DYTN: variants seen among roughly 807,000 people sequenced by gnomAD.
DYTN encodes the protein dystrotelin.
Under a neutral mutation model 69.6 loss-of-function variants are expected in DYTN, and 75 were observed. That is an observed-to-expected ratio of 1.08 (90% CI 0.89 to 1.31). The LOEUF (loss-of-function observed/expected upper bound fraction) is 1.31. Among genes scored for constraint, DYTN ranks in the 50% most tolerant of loss-of-function variants. The pLI, the probability that DYTN is intolerant of heterozygous loss-of-function variation, is 0.00. For missense variants in DYTN, 726 were observed against 688.4 expected (o/e 1.05, Z -0.61); for synonymous variants, 252 against 249.1 (o/e 1.01, Z -0.11).
intron 4 of DYTN, among the ~76,000 whole-genome samples, chr2:206,705,484 A>G (rs72960713): frequency 6.6e-5 from 10 of 152,074 alleles, no homozygotes; most frequent in African/African-American, 2.4e-4. Context: ...ACATCTAGGA[A>G]GAAGATCATG....
At chr2:206,716,892 A>G (rs540184205) in intron 1 of DYTN, among the ~76,000 whole-genome samples, 8 of 152,226 alleles carry the variant, frequency 5.3e-5, no homozygotes, top group Admixed American at 4.6e-4. Flanking sequence ...CTGTCAAGTT[A>G]TGCTTTACAG....
chr2:206,700,671 T>C (rs753868918), intron 5 of DYTN, among the ~76,000 whole-genome samples: 4 of 152,086 alleles, frequency 2.6e-5, no homozygotes, highest in African/African-American at 4.8e-5. Context: ...GATATACATG[T>C]GCCATGGTGG....
At chr2:206,652,123 T>C (rs2105884580) in intron 11 of DYTN, among the ~76,000 whole-genome samples, 1 of 152,324 alleles carries the variant, frequency 6.6e-6, no homozygotes, top group Middle Eastern at 3.4e-3. Context: ...CATAGGTTCT[T>C]AAGAAGCACT....
intron 1 of DYTN, among the ~76,000 whole-genome samples, chr2:206,711,673 G>A (rs1483014548): frequency 1.3e-5 from 2 of 151,802 alleles, no homozygotes; most frequent in Non-Finnish European, 2.9e-5. Flanking sequence ...CCATGTGGGT[G>A]TGCTGCACCC....
At chr2:206,694,922 G>GA (rs71410896) in intron 7 of DYTN, 45 bp from the exon 8 acceptor site, 134,433 of 704,314 alleles carry the variant, frequency 0.19, 2,444 homozygotes, top group African/African-American at 0.29. Context: ...TAGTAGATGA[G>GA]AAAAAAAAAA....
chr2:206,716,264 C>G (rs558581685), intron 1 of DYTN, among the ~76,000 whole-genome samples: 1 of 152,272 alleles, frequency 6.6e-6, no homozygotes, highest in African/African-American at 2.4e-5. Context: ...GTGCCAGGCA[C>G]TGTGTGGAGC....
At chr2:206,685,047 A>G (rs999669413) in intron 9 of DYTN, among the ~76,000 whole-genome samples, 3 of 152,238 alleles carry the variant, frequency 2.0e-5, no homozygotes, top group African/African-American at 4.8e-5. Flanking sequence ...CAATGGAAGT[A>G]CAGCCTGGGA....
intron 5 of DYTN, 143 bp from the exon 6 acceptor site, chr2:206,700,359 G>C (rs1018460449): frequency 8.1e-6 from 7 of 859,360 alleles, no homozygotes; most frequent in Admixed American, 2.2e-5. Flanking sequence ...CTCAATCCAA[G>C]AGAACAAAGA....
chr2:206,651,929 C>A lies in DYTN; in HGVS notation c.1634-8G>T. ...TTACTGAAGACTCCGGGCCTGAAATCAACAAACAAGAGAGTCATTTAGAGA... is the reference window on the plus strand; with the variant it reads ...TTACTGAAGACTCCGGGCCTGAAATAAACAAACAAGAGAGTCATTTAGAGA... On this transcript the variant is annotated splice_region_variant and splice_polypyrimidine_tract_variant and intron_variant, in intron 11 of 11. Coordinates refer to ENST00000452335, the MANE Select transcript of DYTN (RefSeq NM_001093730.1). 1 of 1,608,970 alleles carries A rather than the reference C, an allele frequency of 6.2e-7. No homozygotes were observed. Among genetic ancestry groups the A allele is most frequent in the Non-Finnish European group, 8.5e-7 (1 of 1,177,076 alleles).
chr2:206,663,652 G>A (rs1004631268), intron 10 of DYTN, among the ~76,000 whole-genome samples: 11 of 152,288 alleles, frequency 7.2e-5, no homozygotes, highest in Admixed American at 2.0e-4. Flanking sequence ...AAAATTCTGG[G>A]TTCTAAAAAG....
At chr2:206,717,360 C>T (rs1700139633) in intron 1 of DYTN, among the ~76,000 whole-genome samples, 1 of 152,188 alleles carries the variant, frequency 6.6e-6, no homozygotes, top group Non-Finnish European at 1.5e-5. Context: ...CAGTGGTCCT[C>T]ACAGTGTGGT....
At position 206,707,317 on chromosome 2, in the gene DYTN, G is replaced by C. The variant is rs1012924844; in HGVS notation, c.281C>G (p.Thr94Arg). The C allele has an allele frequency of 1.2e-6, 2 of 1,611,800 alleles. No individual in the cohort carries two copies. The highest frequency in any genetic ancestry group is 2.7e-5 in the African/African-American group (2 of 74,872). Residue 94 changes from threonine (T) to arginine (R), a missense_variant, in exon 3 of 12, where the codon ACG (threonine) becomes AGG (arginine). By Grantham distance (71) the Thr-to-Arg change is moderately conservative. Coordinates refer to ENST00000452335, the MANE Select transcript of DYTN (RefSeq NM_001093730.1). ...RAPELTLSLL[T>R]TMYNSKGTGF... ...ACACCCTCACCTGTTGTACATTGTC[G>C]TGAGAAGGCTCAGAGTGAGTTCCGG...
chr2:206,681,566 G>A (rs998533716), intron 9 of DYTN, among the ~76,000 whole-genome samples: 1 of 152,078 alleles, frequency 6.6e-6, no homozygotes, highest in African/African-American at 2.4e-5. Flanking sequence ...CTAGTTTATC[G>A]AGAGTTTTTT....
intron 1 of DYTN, among the ~76,000 whole-genome samples, chr2:206,711,590 T>C (rs1345623812): frequency 6.6e-6 from 1 of 151,986 alleles, no homozygotes; most frequent in Non-Finnish European, 1.5e-5. Flanking sequence ...TTTACTTTTC[T>C]TTTTTTTATT....
intron 11 of DYTN, among the ~76,000 whole-genome samples, chr2:206,655,436 G>A (rs1321537659): frequency 6.6e-6 from 1 of 151,922 alleles, no homozygotes; most frequent in South Asian, 2.1e-4. Context: ...TTGAGATAGG[G>A]TCTTGCTCTG....
At chr2:206,674,114 T>C (rs1699657105) in intron 9 of DYTN, among the ~76,000 whole-genome samples, 1 of 152,186 alleles carries the variant, frequency 6.6e-6, no homozygotes, top group Non-Finnish European at 1.5e-5. Flanking sequence ...ATTATGCAAT[T>C]GGGCATATTA....
At chr2:206,659,484 CAAAAAAAAAAAA>C (rs772861150) in intron 11 of DYTN, among the ~76,000 whole-genome samples, 5 of 64,592 alleles carry the variant, frequency 7.7e-5, no homozygotes, top group African/African-American at 1.1e-4. Context: ...CAACAATTCT[CAAAAAAAAAAAA>C]AAAAAAAAAA....
At chr2:206,707,205 C>A in intron 3 of DYTN, 97 bp downstream of exon 3, 1 of 1,442,534 alleles carries the variant, frequency 6.9e-7, no homozygotes, top group African/African-American at 1.4e-5. Context: ...TCTTATATAC[C>A]AAACCTCAAG....
intron 3 of DYTN, among the ~76,000 whole-genome samples, chr2:206,706,780 C>A (rs963810989): frequency 1.3e-5 from 2 of 151,988 alleles, no homozygotes; most frequent in Non-Finnish European, 2.9e-5. Flanking sequence ...AACACACGCA[C>A]CCCTACCACA....
Sources: allele counts gnomAD v4.1 joint callset (sites outside exome capture counted in the v4.1 genomes callset), GRCh38; gene constraint gnomAD v4.1.1; transcripts MANE v1.5; gene names NCBI Gene and HGNC (gene_info 2026-07-23, HGNC 2026-07-21).